The following ADGRE1 variants were observed in gnomAD, a reference collection of about 807,000 sequenced individuals.
ADGRE1 encodes the protein EGF-like module receptor 1.
Under a neutral mutation model 102.7 loss-of-function variants are expected in ADGRE1, and 82 were observed. The observed-to-expected ratio is 0.80, with a 90% CI of 0.67 to 0.96. The LOEUF (loss-of-function observed/expected upper bound fraction) is 0.96, where lower values mean the gene tolerates loss of function less well. Among genes scored for constraint, ADGRE1 ranks in the 40% least tolerant of loss-of-function variants. The pLI, the probability that ADGRE1 is intolerant of heterozygous loss-of-function variation, is 0.00. For missense variants in ADGRE1, 1,032 were observed against 1,085.3 expected, an observed-to-expected ratio of 0.95 and a Z score of 0.69; for synonymous variants, 398 against 399.6, an observed-to-expected ratio of 1.00 and a Z score of 0.05.
chr19:6,897,666 G>A (rs1360388108), intron 5 of ADGRE1, 119 bp downstream of exon 5: 24 of 1,111,292 alleles, frequency 2.2e-5, no homozygotes, highest in Non-Finnish European at 2.8e-5. Flanking sequence ...GGCTCAGAGA[G>A]GTAAAAATAT....
chr19:6,921,541 C>T (rs891055627), intron 13 of ADGRE1, among the ~76,000 whole-genome samples, 172 bp from the exon 14 acceptor site: 3 of 152,158 alleles, frequency 2.0e-5, no homozygotes, highest in Non-Finnish European at 2.9e-5. Flanking sequence ...ATGTGAGCTG[C>T]CCTATCAGAT....
chr19:6,894,426 G>A (rs1478201350), intron 2 of ADGRE1, among the ~76,000 whole-genome samples: 1 of 152,174 alleles, frequency 6.6e-6, no homozygotes, highest in Non-Finnish European at 1.5e-5. Flanking sequence ...GAGCTGTGGA[G>A]GAGTCAGGGA....
At chr19:6,897,681 T>C (rs1973614538) in intron 5 of ADGRE1, 134 bp downstream of exon 5, 2 of 939,204 alleles carry the variant, frequency 2.1e-6, no homozygotes, top group South Asian at 3.2e-5. Context: ...AAATATATAG[T>C]TGCTTATATC....
Position 6,903,505 on chromosome 19 carries a change from T to C in ADGRE1, c.662-305T>C, listed in dbSNP as rs1973842221. On this transcript the variant is annotated intron_variant, in intron 6 of 20. Transcript: ENST00000312053. ...AGGAGTTCAATCTCTCTCCATCTTT[T>C]GGTTTTTGCATTCCTTAGAGCCTTG... is the stretch of plus-strand genomic sequence containing the variant. Among the ~76,000 whole-genome samples, 4 of 152,208 alleles carry C rather than the reference T, an allele frequency of 2.6e-5. No individual in the cohort carries two copies. In the South Asian group the frequency reaches 8.3e-4, roughly 31 times the overall value.
chr19:6,905,071 A>T (rs1284278701), intron 8 of ADGRE1, among the ~76,000 whole-genome samples: 1 of 152,102 alleles, frequency 6.6e-6, no homozygotes, highest in East Asian at 1.9e-4. Context: ...AAAGGGCTGG[A>T]TGCAGTGACA....
intron 6 of ADGRE1, among the ~76,000 whole-genome samples, chr19:6,903,495 C>T (rs1228709657): frequency 1.3e-5 from 2 of 152,196 alleles, no homozygotes; most frequent in Non-Finnish European, 2.9e-5. Flanking sequence ...TTCAATCTCT[C>T]TCCATCTTTT....
At chr19:6,895,698 C>T (rs1167322819) in intron 2 of ADGRE1, 1 of 152,196 alleles carries the variant, frequency 6.6e-6, no homozygotes, top group Non-Finnish European at 1.5e-5. Context: ...CAGATGAGTG[C>T]TTCTCAAACT....
At chr19:6,917,437 G>A (rs1974434146) in intron 12 of ADGRE1, among the ~76,000 whole-genome samples, 1 of 152,024 alleles carries the variant, frequency 6.6e-6, no homozygotes, top group South Asian at 2.1e-4. Flanking sequence ...GTGGGGGAGA[G>A]AGGGAAAAGA....
intron 17 of ADGRE1, among the ~76,000 whole-genome samples, chr19:6,928,896 G>A (rs1389584351): frequency 6.0e-5 from 9 of 150,198 alleles, no homozygotes; most frequent in Non-Finnish European, 8.8e-5. Flanking sequence ...CCGAGATTGC[G>A]CCATTGCACT....
At chr19:6,898,471 C>T in intron 5 of ADGRE1, 2 of 1,589,334 alleles carry the variant, frequency 1.3e-6, no homozygotes, top group Non-Finnish European at 1.7e-6. Flanking sequence ...TGGTGATGCC[C>T]TCAGGTTCCC....
chr19:6,916,320 G>A lies in ADGRE1; in HGVS notation c.1372G>A (p.Asp458Asn). 2 of 1,613,696 alleles carry A rather than the reference G, an allele frequency of 1.2e-6. No homozygotes were observed. Among genetic ancestry groups the A allele is most frequent in the Non-Finnish European group, 1.7e-6 (2 of 1,179,736 alleles). ...NVTLDLVAKG[D>N]KMKIGCSTIE... The stretch of plus-strand genomic sequence containing the variant: ...GACGTTGGACTTGGTAGCCAAGGGG[G>A]ATAAGATGAAGATCGGGTGTTCCAC... Residue 458 changes from aspartate to asparagine, a missense_variant, in exon 12 of 21, where the codon GAT (aspartate) becomes AAT (asparagine). Transcript: ENST00000312053.
rs1290113006 is a variant in ADGRE1 at position 6,903,856 on chromosome 19, C to CA, written c.710dup (p.Asn237LysfsTer31). ...TGTGCCCCATCAATTCAACATGCAC[C>CA]AACACTCCTGGGAGCTACTTTTGCA... On this transcript the variant is annotated frameshift_variant, in exon 7 of 21. Transcript: ENST00000312053. LOFTEE classifies it high-confidence loss of function. 3.7e-6 allele frequency: 6 copies of CA among 1,614,058 alleles called. No homozygotes were observed. The African/African-American group carries it at 8.0e-5, about 22-fold the overall frequency.
intron 1 of ADGRE1, among the ~76,000 whole-genome samples, chr19:6,889,006 A>T (rs1270637593): frequency 6.6e-6 from 1 of 152,036 alleles, no homozygotes; most frequent in African/African-American, 2.4e-5. Flanking sequence ...GGTGATGATG[A>T]TGGTGATGGT....
intron 14 of ADGRE1, among the ~76,000 whole-genome samples, chr19:6,923,644 C>T (rs2144990177): frequency 6.6e-6 from 1 of 152,176 alleles, no homozygotes; most frequent in East Asian, 1.9e-4. Context: ...AATTCTCCTG[C>T]CTCAGCCTCC....
rs78378291 is a variant in ADGRE1, at chr19:6,896,144, C to T, written c.95-254C>T. 6.9e-3 allele frequency: 2,753 copies of T among 398,856 alleles called. 59 individuals are homozygous for T. Among genetic ancestry groups the T allele is most frequent in the African/African-American group, 0.04 (1,980 of 49,570 alleles). 24.7% of individuals were successfully genotyped at this position (398,856 alleles called of 1,614,324 possible). ...TGCATGTCTGTGTGTCTCTTCTCTT[C>T]TTATAAGGACACCTGTGGCCCACCC... On this transcript the variant is annotated intron_variant, in intron 2 of 20. Coordinates refer to ENST00000312053, the MANE Select transcript of ADGRE1 (RefSeq NM_001974.5).
intron 6 of ADGRE1, among the ~76,000 whole-genome samples, chr19:6,903,027 T>G (rs1469728666): frequency 6.6e-6 from 1 of 152,220 alleles, no homozygotes; most frequent in Non-Finnish European, 1.5e-5. Context: ...GAAGAGGCAG[T>G]GTTGCAGTTC....
intron 6 of ADGRE1, 110 bp downstream of exon 6, chr19:6,902,131 G>A (rs867090817): frequency 7.3e-7 from 1 of 1,379,056 alleles, no homozygotes; most frequent in Middle Eastern, 2.5e-4. Flanking sequence ...CTGCAAATCT[G>A]AAGCCAATAA....
intron 5 of ADGRE1, chr19:6,898,454 C>T (rs1237150977): frequency 2.5e-6 from 4 of 1,595,904 alleles, no homozygotes; most frequent in African/African-American, 1.3e-5. Context: ...GGCAATTTCT[C>T]CTGTACTGGT....
intron 2 of ADGRE1, among the ~76,000 whole-genome samples, chr19:6,893,185 T>A (rs1382932815): frequency 2.0e-5 from 3 of 152,204 alleles, no homozygotes; most frequent in Admixed American, 6.5e-5. Flanking sequence ...GATTTCATTC[T>A]TTCTTTCTTT....
Sources: gnomAD v4.1 joint callset for allele counts (sites outside exome capture counted in the v4.1 genomes callset) on GRCh38, gnomAD v4.1.1 for gene constraint, MANE v1.5 for transcripts, NCBI Gene and HGNC (gene_info 2026-07-23, HGNC 2026-07-21) for gene names.